ABCC3: variants seen among roughly 807,000 people sequenced by gnomAD.
ABCC3 encodes the protein ATP binding cassette subfamily C member 3.
ABCC3 carries 121 observed loss-of-function variants against 165.3 expected under a neutral mutation model. The observed-to-expected ratio is 0.73, with a 90% CI of 0.63 to 0.85. The LOEUF (loss-of-function observed/expected upper bound fraction) is 0.85. Ranked by LOEUF, ABCC3 falls within the 40% of genes least tolerant of loss-of-function variation. The probability of loss-of-function intolerance (pLI) is 0.00; values close to 1 mark genes in which losing one functional copy is unlikely to be tolerated. For missense variants in ABCC3, 1,869 were observed against 1,964.1 expected, an observed-to-expected ratio of 0.95 and a Z score of 0.92; for synonymous variants, 733 against 810.1, an observed-to-expected ratio of 0.90 and a Z score of 1.62.
At position 50,656,713 on chromosome 17, in the gene ABCC3, C is replaced by T; in HGVS notation, c.234C>T (p.Val78=). The T allele has an allele frequency of 3.7e-6, 6 of 1,613,080 alleles. No individual in the cohort carries two copies. The highest frequency in any genetic ancestry group is 4.2e-6 in the Non-Finnish European group (5 of 1,179,574). Reference sequence around the variant, plus strand: ...TGCTCTCTTCGCAGGTCCTGGGTGTCCTGCTGTGGTGCGTCTCCTGGGCGG... The same window carrying T: ...TGCTCTCTTCGCAGGTCCTGGGTGTTCTGCTGTGGTGCGTCTCCTGGGCGG... ...HLSKLKMVLG[V]LLWCVSWADL... Residue 78 remains valine (V), a synonymous_variant, in exon 3 of 31, where the codon GTC becomes GTT. Coordinates refer to ENST00000285238, the MANE Select transcript of ABCC3 (RefSeq NM_003786.4).
intron 30 of ABCC3, 88 bp downstream of exon 30, chr17:50,687,818 C>A: frequency 7.4e-7 from 1 of 1,354,270 alleles, no homozygotes; most frequent in Non-Finnish European, 1.0e-6. Flanking sequence ...GTTATCTGAA[C>A]AAGGCAATGT....
chr17:50,687,515 G>T, intron 29 of ABCC3, 21 bp from the exon 30 acceptor site: 1 of 1,607,772 alleles, frequency 6.2e-7, no homozygotes. Context: ...AGCTGGAAAT[G>T]CCTGCCTTCT....
At chr17:50,665,297 C>G (rs758341206) in intron 11 of ABCC3, 52 bp downstream of exon 11, 2 of 1,566,402 alleles carry the variant, frequency 1.3e-6, no homozygotes, top group Non-Finnish European at 1.8e-6. Context: ...GGCCGGCTGC[C>G]TGGGGGAAGG....
intron 19 of ABCC3, among the ~76,000 whole-genome samples, chr17:50,673,988 C>CTT (rs1567835607): frequency 4.0e-4 from 5 of 12,526 alleles, no homozygotes; most frequent in Non-Finnish European, 5.5e-4. Context: ...TTCTCTCTCT[C>CTT]TCTCTCTCTC....
chr17:50,678,714 AG>A (rs1967876562), intron 25 of ABCC3, among the ~76,000 whole-genome samples: 1 of 152,190 alleles, frequency 6.6e-6, no homozygotes, highest in Admixed American at 6.5e-5. Flanking sequence ...TGAGGCCAGG[AG>A]CTCCAGAACA....
At chr17:50,646,595 T>C (rs189471571) in intron 1 of ABCC3, among the ~76,000 whole-genome samples, 2 of 152,318 alleles carry the variant, frequency 1.3e-5, no homozygotes, top group Admixed American at 1.3e-4. Context: ...TCCAGGACCC[T>C]CTTGCACCAG....
chr17:50,644,280 C>T lies in ABCC3; in HGVS notation c.45+9299C>T, dbSNP rs552432144. 6.2e-5 allele frequency among the ~76,000 whole-genome samples: 8 copies of T among 128,392 alleles called. No individual in the cohort carries two copies. The South Asian group carries it at 2.1e-3, about 34-fold the overall frequency. The allele number at this position is 128,392 out of a possible 152,430, so 84.2% of individuals were successfully genotyped here. On this transcript the variant is annotated intron_variant, in intron 1 of 30. Transcript: ENST00000285238. ...GAGCCAAGGTCACACCACTGCACTC[C>T]AGCCTGGGTGACAGAGCCAGACTCC...
Position 50,661,089 on chromosome 17 carries a change from T to G in ABCC3, c.973T>G (p.Ser325Ala). 1 of 1,613,838 alleles carries G rather than the reference T, an allele frequency of 6.2e-7. No homozygotes were observed. The highest frequency in any genetic ancestry group is 8.5e-7 in the Non-Finnish European group (1 of 1,179,814). Residue 325 changes from serine (S) to alanine (A), a missense_variant, in exon 8 of 31, where the codon TCC (serine) becomes GCC (alanine). Physicochemically the swap from Ser to Ala is moderately conservative, Grantham distance 99. Transcript: ENST00000285238. ...ACFKLIQDLLSFINPQLLSIL... is the reference protein window; with the variant it reads ...ACFKLIQDLLAFINPQLLSIL... ...CTTCAAGCTTATCCAGGACCTGCTC[T>G]CCTTCATCAATCCACAGCTGCTCAG... is the stretch of plus-strand genomic sequence containing the variant.
chr17:50,638,535 G>C (rs565893974), intron 1 of ABCC3, among the ~76,000 whole-genome samples: 1 of 152,300 alleles, frequency 6.6e-6, no homozygotes, highest in East Asian at 1.9e-4. Flanking sequence ...ACTGGGTAGA[G>C]GGAAGATGCG....
In ABCC3 at chr17:50,683,977, G is replaced by C. The variant is rs771342063; in HGVS notation, c.3983G>C (p.Gly1328Ala). 2.5e-6 allele frequency: 4 copies of C among 1,613,254 alleles called. No individual in the cohort carries two copies. The highest frequency in any genetic ancestry group is 2.2e-5 in the East Asian group (1 of 44,802). The change falls in exon 28 of 31, where the codon GGC becomes GCC. Residue 1328 changes from glycine (G) to alanine (A), a missense_variant. Transcript: ENST00000285238. Reference protein sequence around the residue: ...KVGIVGRTGAGKSSMTLCLFR... With the variant: ...KVGIVGRTGAAKSSMTLCLFR... ...GGGATCGTGGGCCGCACTGGGGCTG[G>C]CAAGTCTTCCATGACCCTTTGCCTG... is the stretch of plus-strand genomic sequence containing the variant.
rs866407790 is a variant in ABCC3 at position 50,656,144 on chromosome 17, G to A, written c.222+136G>A. ...TCTGTCGCCCAGGCTGGAGTGCAGT[G>A]GCATGATCTTGGCTCACTGCAACCT... On this transcript the variant is annotated intron_variant, in intron 2 of 30. Coordinates refer to ENST00000285238, the MANE Select transcript of ABCC3 (RefSeq NM_003786.4). 46 of 723,730 alleles carry A rather than the reference G, an allele frequency of 6.4e-5. No individual in the cohort carries two copies. In the African/African-American group the frequency reaches 8.4e-4, roughly 13 times the overall value. The allele number at this position is 723,730 out of a possible 1,614,324, so 44.8% of individuals were successfully genotyped here.
At chr17:50,677,997 T>C (rs776980526) in intron 24 of ABCC3, 54 bp downstream of exon 24, 1 of 1,613,984 alleles carries the variant, frequency 6.2e-7, no homozygotes, top group Non-Finnish European at 8.5e-7. Context: ...CAGCAGGCTC[T>C]CTGGTGTTCA....
rs367722836 is a variant in ABCC3 at position 50,661,037 on chromosome 17, C to T, written c.921C>T (p.Phe307=). 2.8e-5 allele frequency: 46 copies of T among 1,614,078 alleles called. No homozygotes were observed. The highest frequency in any genetic ancestry group is 1.6e-4 in the Middle Eastern group (1 of 6,084). Residue 307 remains phenylalanine, a synonymous_variant, in exon 8 of 31, where the codon TTC becomes TTT. Transcript: ENST00000285238. ...TCCTGAAGGCCCTGCTGGCCACCTT[C>T]GGCTCCAGCTTCCTCATCAGTGCCT... ...PSFLKALLAT[F]GSSFLISACF...
At chr17:50,642,220 G>C (rs371549843) in intron 1 of ABCC3, among the ~76,000 whole-genome samples, 4 of 152,358 alleles carry the variant, frequency 2.6e-5, no homozygotes, top group African/African-American at 9.6e-5. Flanking sequence ...CAAGAGCTCA[G>C]TTCTGGACGT....
chr17:50,676,278 G>T lies in ABCC3; in HGVS notation c.3068G>T (p.Gly1023Val), dbSNP rs1967805235. Residue 1023 changes from glycine to valine, a missense_variant and splice_region_variant, in exon 23 of 31, where the codon GGG (glycine) becomes GTG (valine). Gly to Val is a moderately radical substitution (Grantham distance 109). Coordinates refer to ENST00000285238, the MANE Select transcript of ABCC3 (RefSeq NM_003786.4). ...CAGCGCCCTCTGCCTTCTCCAACAGGGTTCTTGGTGATGCTGGCAGCCATG... is the reference window on the plus strand; with the variant it reads ...CAGCGCCCTCTGCCTTCTCCAACAGTGTTCTTGGTGATGCTGGCAGCCATG... ...GVYAALGILQ[G>V]FLVMLAAMAM... is the part of the protein sequence containing the mutation. 6.2e-7 allele frequency: 1 copy of T among 1,611,168 alleles called. No individual in the cohort carries two copies. The highest frequency in any genetic ancestry group is 1.7e-4 in the Middle Eastern group (1 of 6,050).
chr17:50,682,097 T>C (rs1967939077), intron 26 of ABCC3, among the ~76,000 whole-genome samples: 1 of 152,102 alleles, frequency 6.6e-6, no homozygotes, highest in Non-Finnish European at 1.5e-5. Context: ...TCTGGCCGCG[T>C]GGTTTCTCCT....
chr17:50,635,240 A>T lies in ABCC3; in HGVS notation c.45+259A>T, dbSNP rs550987220. 4.9e-5 allele frequency: 31 copies of T among 627,622 alleles called. 1 individual carries two copies. In the South Asian group the frequency reaches 5.6e-4, roughly 11 times the overall value. The allele number at this position is 627,622 out of a possible 1,614,324, so 38.9% of individuals were successfully genotyped here. ...CACTGGGGAGCCCGGGAAAGTGAGGAAGAGTGCGCGGCTGGGGCGCAAAGG... is the reference window on the plus strand; with the variant it reads ...CACTGGGGAGCCCGGGAAAGTGAGGTAGAGTGCGCGGCTGGGGCGCAAAGG... On this transcript the variant is annotated intron_variant, in intron 1 of 30. Transcript: ENST00000285238.
Position 50,657,128 on chromosome 17 carries a change from G to A in ABCC3, c.431G>A (p.Cys144Tyr). 1.9e-6 allele frequency: 3 copies of A among 1,614,190 alleles called. No homozygotes were observed. The highest frequency in any genetic ancestry group is 1.1e-5 in the South Asian group (1 of 91,072). The change falls in exon 4 of 31, where the codon TGT (cysteine) becomes TAT (tyrosine). Residue 144 changes from cysteine (C) to tyrosine (Y), a missense_variant. Physicochemically the swap from Cys to Tyr is radical, Grantham distance 194. Coordinates refer to ENST00000285238, the MANE Select transcript of ABCC3 (RefSeq NM_003786.4). The part of the protein sequence containing the change: ...SGVLIIFWFL[C>Y]VVCAIVPFRS... ...GTCCTCATTATCTTCTGGTTCCTGT[G>A]TGTGGTCTGCGCCATCGTCCCATTC... is the stretch of plus-strand genomic sequence containing the variant.
At chr17:50,643,557 C>G (rs1212992434) in intron 1 of ABCC3, 2 of 456,314 alleles carry the variant, frequency 4.4e-6, no homozygotes, top group East Asian at 1.4e-4. Context: ...AGAACCCAGC[C>G]CACTGCCTGA....
Sources: gnomAD v4.1 joint callset for allele counts (sites outside exome capture counted in the v4.1 genomes callset) on GRCh38, gnomAD v4.1.1 for gene constraint, MANE v1.5 for transcripts, NCBI Gene and HGNC (gene_info 2026-07-23, HGNC 2026-07-21) for gene names.